RIMS4: variants seen among roughly 807,000 people sequenced by gnomAD.
RIMS4 encodes regulating synaptic membrane exocytosis protein 4.
In RIMS4, 9 loss-of-function variants were observed where a neutral mutation model predicts 29.0. The observed-to-expected ratio is 0.31, with a 90% CI of 0.19 to 0.54. RIMS4 has a LOEUF of 0.54. RIMS4 is among the 20% of genes least tolerant of loss of function. The pLI is 0.94. For synonymous variants in RIMS4, 130 were observed against 152.9 expected (o/e 0.85, Z 1.10); for missense variants, 193 against 365.7 (o/e 0.53, Z 3.85).
chr20:44,759,673 A>C (rs1417171150), intron 2 of RIMS4, among the ~76,000 whole-genome samples: 2 of 152,270 alleles, frequency 1.3e-5, no homozygotes, highest in Non-Finnish European at 2.9e-5. Context: ...TCAGAGGCTT[A>C]ACCCAAGCCA....
At chr20:44,803,136 C>A (rs1018055749) in intron 1 of RIMS4, among the ~76,000 whole-genome samples, 3 of 152,156 alleles carry the variant, frequency 2.0e-5, no homozygotes, top group Non-Finnish European at 2.9e-5. Context: ...TTCCCCCACC[C>A]CAGAATATAA....
At chr20:44,792,192 T>A (rs1347979481) in intron 1 of RIMS4, among the ~76,000 whole-genome samples, 1 of 152,170 alleles carries the variant, frequency 6.6e-6, no homozygotes, top group Non-Finnish European at 1.5e-5. Context: ...ATCTGTTGAC[T>A]GCATAAAGAA....
intron 1 of RIMS4, among the ~76,000 whole-genome samples, chr20:44,808,863 G>T (rs983962585): frequency 6.6e-6 from 1 of 152,146 alleles, no homozygotes; most frequent in African/African-American, 2.4e-5. Flanking sequence ...CTAAACCTGG[G>T]CCCAGGAACT....
intron 1 of RIMS4, among the ~76,000 whole-genome samples, chr20:44,778,750 G>A (rs543343936): frequency 4.6e-5 from 7 of 152,318 alleles, no homozygotes; most frequent in Admixed American, 3.9e-4. Context: ...ATCTTCAGGA[G>A]GCAGCATGGC....
At chr20:44,797,261 CT>C (rs1235339648) in intron 1 of RIMS4, among the ~76,000 whole-genome samples, 1 of 152,218 alleles carries the variant, frequency 6.6e-6, no homozygotes, top group African/African-American at 2.4e-5. Context: ...ACAGCTCACC[CT>C]TTCATTTACA....
At chr20:44,803,137 C>T (rs900581451) in intron 1 of RIMS4, among the ~76,000 whole-genome samples, 1 of 152,152 alleles carries the variant, frequency 6.6e-6, no homozygotes, top group Non-Finnish European at 1.5e-5. Flanking sequence ...TCCCCCACCC[C>T]AGAATATAAC....
At chr20:44,805,141 GA>G (rs76997710) in intron 1 of RIMS4, among the ~76,000 whole-genome samples, 46 of 146,086 alleles carry the variant, frequency 3.1e-4, no homozygotes, top group African/African-American at 8.5e-4. Flanking sequence ...TCTACAAAAA[GA>G]AAAAAAAAAG....
rs573874940 is a variant in RIMS4 at position 44,760,118 on chromosome 20, A to G, written c.237-1934T>C. Among the ~76,000 whole-genome samples the G allele has an allele frequency of 6.6e-5, 10 of 152,342 alleles. No individual in the cohort carries two copies. In the Middle Eastern group the frequency reaches 0.014, roughly 207 times the overall value. ...ACTAGGCTATCCTGCCCCGAAACAG[A>G]CAAACCCTCAGCCTGGGAGAGCAGA... On this transcript the variant is annotated intron_variant, in intron 2 of 5. Transcript: ENST00000372851.
At chr20:44,759,836 T>A (rs1168284524) in intron 2 of RIMS4, among the ~76,000 whole-genome samples, 1 of 152,242 alleles carries the variant, frequency 6.6e-6, no homozygotes, top group Non-Finnish European at 1.5e-5. Context: ...CCCTGAACCA[T>A]TTGAAGTCCC....
rs2066190995 is a variant in RIMS4, at chr20:44,782,903, T to C, written c.98-11490A>G. On this transcript the variant is annotated intron_variant, in intron 1 of 5. Coordinates refer to ENST00000372851, the MANE Select transcript of RIMS4 (RefSeq NM_182970.4). ...GGTTTGTTCCAACAAGGTAGCATAT[T>C]AGCCCATGATAGCACAGATCCATGT... is the stretch of plus-strand genomic sequence containing the variant. 2.6e-5 allele frequency among the ~76,000 whole-genome samples: 4 copies of C among 152,190 alleles called. No homozygotes were observed. In the South Asian group the frequency reaches 8.3e-4, roughly 32 times the overall value.
At chr20:44,785,057 A>T (rs1411993565) in intron 1 of RIMS4, among the ~76,000 whole-genome samples, 1 of 152,230 alleles carries the variant, frequency 6.6e-6, no homozygotes, top group Non-Finnish European at 1.5e-5. Flanking sequence ...GCAAGATTCT[A>T]GCCCATTCCA....
At chr20:44,795,815 G>C (rs2066252456) in intron 1 of RIMS4, among the ~76,000 whole-genome samples, 1 of 152,108 alleles carries the variant, frequency 6.6e-6, no homozygotes, top group Admixed American at 6.5e-5. Flanking sequence ...ATGTGGAACA[G>C]GTCACGCAGC....
chr20:44,757,840 C>A, intron 3 of RIMS4, 69 bp from the exon 4 acceptor site: 1 of 1,395,596 alleles, frequency 7.2e-7, no homozygotes, highest in Non-Finnish European at 1.0e-6. Context: ...CAGCTCTTCT[C>A]CTTTACTTAG....
rs535105331 is a variant in RIMS4, at chr20:44,759,263, T to G, written c.237-1079A>C. On this transcript the variant is annotated intron_variant, in intron 2 of 5. Transcript: ENST00000372851. ...TGTTGTTGTTCTGGTTTTTGTTTTT[T>G]TTTTGAGACAGAGTTTCCCTCTGTT... 4.6e-5 allele frequency among the ~76,000 whole-genome samples: 7 copies of G among 152,278 alleles called. 1 individual carries two copies. The South Asian group carries it at 1.5e-3, about 32-fold the overall frequency.
intron 1 of RIMS4, among the ~76,000 whole-genome samples, chr20:44,773,850 G>T (rs1216844631): frequency 6.6e-6 from 1 of 152,166 alleles, no homozygotes; most frequent in South Asian, 2.1e-4. Flanking sequence ...CAAGCTGGAC[G>T]GCATCTTCCC....
At chr20:44,771,650 C>T (rs898787636) in intron 1 of RIMS4, among the ~76,000 whole-genome samples, 2 of 152,236 alleles carry the variant, frequency 1.3e-5, no homozygotes, top group Non-Finnish European at 2.9e-5. Context: ...TTTTTCTCCC[C>T]CTTGAATTCA....
rs1055448107 is a variant in RIMS4, at chr20:44,752,693, G to A, written c.*3441C>T. 1.3e-5 allele frequency: 2 copies of A among 152,490 alleles called. No individual in the cohort carries two copies. Among genetic ancestry groups the A allele is most frequent in the Non-Finnish European group, 2.9e-5 (2 of 68,254 alleles). 9.4% of individuals were successfully genotyped at this position (152,490 alleles called of 1,614,324 possible). On this transcript the variant is annotated 3_prime_UTR_variant, in exon 6 of 6. Coordinates refer to ENST00000372851, the MANE Select transcript of RIMS4 (RefSeq NM_182970.4). ...TCTGAAAAGCACAACAGGAAGGCCA[G>A]GTCTCACTGCATCTGAAGGTTTGGG... is the stretch of plus-strand genomic sequence containing the variant.
At chr20:44,783,339 T>C (rs1296379620) in intron 1 of RIMS4, among the ~76,000 whole-genome samples, 2 of 152,302 alleles carry the variant, frequency 1.3e-5, no homozygotes, top group East Asian at 3.9e-4. Context: ...CATGCAGTAC[T>C]GGGCCGGGCA....
intron 1 of RIMS4, among the ~76,000 whole-genome samples, chr20:44,792,702 A>G (rs2066238395): frequency 6.6e-6 from 1 of 152,194 alleles, no homozygotes; most frequent in South Asian, 2.1e-4. Flanking sequence ...ATAGTCTGAC[A>G]TTTCAGTAAG....
Sources: allele counts gnomAD v4.1 joint callset (sites outside exome capture counted in the v4.1 genomes callset), GRCh38; gene constraint gnomAD v4.1.1; transcripts MANE v1.5; gene names NCBI Gene and HGNC (gene_info 2026-07-23, HGNC 2026-07-21).